LACC1: variants seen among roughly 807,000 people sequenced by gnomAD.
LACC1 encodes the protein purine nucleoside phosphorylase LACC1.
LACC1 carries 25 observed loss-of-function variants against 34.8 expected under a neutral mutation model. The observed-to-expected ratio is 0.72, with a 90% CI of 0.52 to 1.00. LACC1 has a LOEUF of 1.00. Ranked by LOEUF, LACC1 falls within the 50% of genes least tolerant of loss-of-function variation. LACC1 has a pLI of 0.00. For missense variants in LACC1, 426 were observed against 511.2 expected (o/e 0.83, Z 1.61); for synonymous variants, 162 against 168.0 (o/e 0.96, Z 0.28).
chr13:43,881,947 T>C (rs959641747), intron 2 of LACC1, among the ~76,000 whole-genome samples: 8 of 152,232 alleles, frequency 5.3e-5, no homozygotes, highest in African/African-American at 1.7e-4. Context: ...GTGAGCTATA[T>C]GCTATTAGAT....
intron 4 of LACC1, among the ~76,000 whole-genome samples, chr13:43,885,071 T>A (rs1198065799): frequency 3.3e-5 from 5 of 152,016 alleles, no homozygotes; most frequent in Non-Finnish European, 7.4e-5. Context: ...GTCTCTACAA[T>A]GAGAAGTACA....
rs373653974 is a variant in LACC1 at position 43,881,133 on chromosome 13, A to T, written c.148A>T (p.Ile50Phe). 1.9e-6 allele frequency: 3 copies of T among 1,614,122 alleles called. No homozygotes were observed. The African/African-American group carries it at 4.0e-5, about 22-fold the overall frequency. The change falls in exon 2 of 7, where the codon ATC becomes TTC. Residue 50 changes from isoleucine to phenylalanine, a missense_variant. Physicochemically the swap from Ile to Phe is conservative, Grantham distance 21. Coordinates refer to ENST00000325686, the MANE Select transcript of LACC1 (RefSeq NM_153218.4). ...KFLCIMCCSN[I>F]SYERDGEQDN... Reference sequence around the variant, plus strand: ...TCTCTGTATAATGTGTTGCAGTAACATCAGCTATGAAAGGGATGGAGAACA... The same window carrying T: ...TCTCTGTATAATGTGTTGCAGTAACTTCAGCTATGAAAGGGATGGAGAACA...
rs987917339 is a variant in LACC1 at position 43,893,664 on chromosome 13, A to C, written c.*2217A>C. On this transcript the variant is annotated 3_prime_UTR_variant, in exon 7 of 7. Coordinates refer to ENST00000325686, the MANE Select transcript of LACC1 (RefSeq NM_153218.4). Reference sequence around the variant, plus strand: ...CCTTAGACCAGTGTTAAATTTAAATAAAACACCTCATTTTTTCCAATTCAG... The same window carrying C: ...CCTTAGACCAGTGTTAAATTTAAATCAAACACCTCATTTTTTCCAATTCAG... 1.3e-5 allele frequency: 2 copies of C among 152,100 alleles called. No individual in the cohort carries two copies. The highest frequency in any genetic ancestry group is 2.4e-5 in the African/African-American group (1 of 41,438). The allele number at this position is 152,100 out of a possible 1,614,324, so 9.4% of individuals were successfully genotyped here.
intron 3 of LACC1, among the ~76,000 whole-genome samples, chr13:43,883,430 A>C (rs1215642896): frequency 6.6e-6 from 1 of 152,198 alleles, no homozygotes; most frequent in Non-Finnish European, 1.5e-5. Context: ...TTGTTAATTA[A>C]CTTTCCTTTA....
chr13:43,881,300 AATTGTACCC>A lies in LACC1; in HGVS notation c.317_325del (p.Ile106_Pro108del). 6.2e-7 allele frequency: 1 copy of A among 1,614,074 alleles called. No homozygotes were observed. Among genetic ancestry groups the A allele is most frequent in the Non-Finnish European group, 8.5e-7 (1 of 1,179,936 alleles). ...AAAAAAATCTGAGCAGCATTAAGGT[AATTGTACCC>A]AGGCACAGGAAGACATTAATGAAAG... is the stretch of plus-strand genomic sequence containing the variant. On this transcript the variant is annotated inframe_deletion, in exon 2 of 7. Transcript: ENST00000325686.
In LACC1 at chr13:43,882,281, A is replaced by T; in HGVS notation, c.659A>T (p.Asp220Val). ...FNLFSSSKRR[D>V]PKVVVQENLR... ...CTCTTCAGTAGTTCCAAACGGAGAG[A>T]TCCCAAGGTAGTGGTTCAAGAAAAT... The change falls in exon 3 of 7, where the codon GAT becomes GTT. Residue 220 changes from aspartate to valine, a missense_variant. Physicochemically the swap from Asp to Val is radical, Grantham distance 152. This residue lies in a region of LACC1 where 209 missense variants were observed against 300.3 expected (regional missense o/e 0.70). Transcript: ENST00000325686. 6.2e-7 allele frequency: 1 copy of T among 1,613,990 alleles called. No individual in the cohort carries two copies. Among genetic ancestry groups the T allele is most frequent in the Non-Finnish European group, 8.5e-7 (1 of 1,179,932 alleles).
chr13:43,887,035 A>G (rs983898409), intron 4 of LACC1, among the ~76,000 whole-genome samples: 3 of 152,170 alleles, frequency 2.0e-5, no homozygotes, highest in Admixed American at 6.6e-5. Flanking sequence ...CAAAATGCCT[A>G]TATCTAGTTG....
rs1955509519 is a variant in LACC1 at position 43,890,129 on chromosome 13, G to A, written c.1149G>A (p.Gln383=). The change falls in exon 6 of 7, where the codon CAG becomes CAA. Residue 383 remains glutamine (Q), a synonymous_variant. Coordinates refer to ENST00000325686, the MANE Select transcript of LACC1 (RefSeq NM_153218.4). ...IRKATRILLE[Q]GGILPQNIQD... ...TTTTCCTAAGGATTCTTCTAGAACA[G>A]GGAGGAATTCTTCCACAGAATATTC... is the stretch of plus-strand genomic sequence containing the variant. 6.2e-7 allele frequency: 1 copy of A among 1,611,612 alleles called. No homozygotes were observed. The highest frequency in any genetic ancestry group is 1.3e-5 in the African/African-American group (1 of 74,858).
intron 5 of LACC1, 182 bp from the exon 6 acceptor site, chr13:43,889,932 T>A: frequency 1.8e-6 from 1 of 549,154 alleles, no homozygotes; most frequent in Non-Finnish European, 3.2e-6. Context: ...TGATAAATGC[T>A]GATAAAGTGT....
intron 4 of LACC1, among the ~76,000 whole-genome samples, chr13:43,886,738 A>G (rs187318716): frequency 6.6e-6 from 1 of 152,162 alleles, no homozygotes; most frequent in African/African-American, 2.4e-5. Flanking sequence ...GCATATATGT[A>G]CCCCGAACCT....
rs1236927274 is a variant in LACC1 at position 43,891,996 on chromosome 13, A to G, written c.*549A>G. On this transcript the variant is annotated 3_prime_UTR_variant, in exon 7 of 7. Transcript: ENST00000325686. ...AGAGGTTTTTGACAAATGAAGAACA[A>G]CCATAACAGGTAGAGGGAACACCAT... 6.6e-6 allele frequency: 1 copy of G among 152,050 alleles called. No individual in the cohort carries two copies. Among genetic ancestry groups the G allele is most frequent in the Non-Finnish European group, 1.5e-5 (1 of 67,996 alleles). The allele number at this position is 152,050 out of a possible 1,614,324, so 9.4% of individuals were successfully genotyped here. A position where few individuals can be genotyped will look rare whatever the true frequency, so the allele number is the denominator to read the frequency against.
chr13:43,884,847 T>C (rs1395318897), intron 4 of LACC1, among the ~76,000 whole-genome samples: 2 of 152,308 alleles, frequency 1.3e-5, no homozygotes, highest in Admixed American at 6.5e-5. Flanking sequence ...CATGACATTG[T>C]CAAAAAGTTA....
At chr13:43,883,685 T>A (rs1195774808) in intron 3 of LACC1, 86 bp from the exon 4 acceptor site, 64 of 982,812 alleles carry the variant, frequency 6.5e-5, no homozygotes, top group Non-Finnish European at 8.4e-5. Context: ...TATATAATTT[T>A]ATACTACAAT....
chr13:43,879,800 A>AGGCGGGGCGAGGCGG (rs1241680078), upstream of LACC1: 7 of 77,804 alleles, frequency 9.0e-5, no homozygotes, highest in Non-Finnish European at 2.2e-4. Context: ...AGGCGGGGCG[A>AGGCGGGGCGAGGCGG]GGCGAGGCGG....
intron 4 of LACC1, among the ~76,000 whole-genome samples, chr13:43,886,675 A>C (rs1955344609): frequency 1.3e-5 from 2 of 152,152 alleles, no homozygotes; most frequent in Non-Finnish European, 2.9e-5. Flanking sequence ...GGGTGATGAA[A>C]TCGTTTGTAC....
chr13:43,889,560 C>G (rs1365748559), intron 5 of LACC1, among the ~76,000 whole-genome samples: 1 of 152,128 alleles, frequency 6.6e-6, no homozygotes, highest in Non-Finnish European at 1.5e-5. Flanking sequence ...CTATTCCAGT[C>G]GCCAAAACTT....
In LACC1 at chr13:43,890,290, T is replaced by C. The variant is rs754754833; in HGVS notation, c.*1+16T>C. ...AAAGAATGAGGTACAGTAGGTTTTC[T>C]CTCCTCTCTCCGTTTTTCCTCTCTT... On this transcript the variant is annotated intron_variant, in intron 6 of 6. Transcript: ENST00000325686. 18 of 1,599,636 alleles carry C rather than the reference T, an allele frequency of 1.1e-5. No individual in the cohort carries two copies. The highest frequency in any genetic ancestry group is 1.5e-5 in the Non-Finnish European group (18 of 1,171,566).
At chr13:43,880,277 CCTT>C (rs1421271243) in intron 1 of LACC1, among the ~76,000 whole-genome samples, 158 bp downstream of exon 1, 1 of 151,322 alleles carries the variant, frequency 6.6e-6, no homozygotes, top group East Asian at 2.0e-4. Flanking sequence ...CAGGAGAAAA[CCTT>C]CTTGGGGCAA....
At chr13:43,882,480 A>T in intron 3 of LACC1, 117 bp downstream of exon 3, 1 of 693,418 alleles carries the variant, frequency 1.4e-6, no homozygotes, top group Non-Finnish European at 2.3e-6. Context: ...AAGTTTTAGA[A>T]TAATGCTGTG....
Sources: gnomAD v4.1 joint callset for allele counts (sites outside exome capture counted in the v4.1 genomes callset) on GRCh38, gnomAD v4.1.1 for gene constraint, gnomAD v4.1.1 regional missense constraint, MANE v1.5 for transcripts, NCBI Gene and HGNC (gene_info 2026-07-23, HGNC 2026-07-21) for gene names.